Variants in DGKI observed in about 807,000 individuals in gnomAD.
DGKI encodes the protein DAG kinase iota.
DGKI carries 55 observed loss-of-function variants against 147.5 expected under a neutral mutation model. The ratio of observed to expected loss-of-function variants is 0.37; its 90% CI spans 0.30 to 0.47. The LOEUF (loss-of-function observed/expected upper bound fraction) is 0.47. Ranked by LOEUF, DGKI falls within the 20% of genes least tolerant of loss-of-function variation. The pLI, the probability that DGKI is intolerant of heterozygous loss-of-function variation, is 1.00. For synonymous variants in DGKI, 469 were observed against 477.1 expected (o/e 0.98, Z 0.22); for missense variants, 1,007 against 1,323.8 (o/e 0.76, Z 3.71).
chr7:137,447,348 AT>A, intron 27 of DGKI, among the ~76,000 whole-genome samples: 1 of 152,350 alleles, frequency 6.6e-6, no homozygotes, highest in South Asian at 2.1e-4. Context: ...AAAAAGAAAA[AT>A]ATGTAAATAA....
At chr7:137,481,519 C>A (rs76903225) in intron 23 of DGKI, among the ~76,000 whole-genome samples, 1 of 152,008 alleles carries the variant, frequency 6.6e-6, no homozygotes, top group African/African-American at 2.4e-5. Flanking sequence ...GATGGAGGGG[C>A]CTTTGAATTT....
At chr7:137,811,204 C>A (rs1003391820) in intron 1 of DGKI, among the ~76,000 whole-genome samples, 11 of 152,094 alleles carry the variant, frequency 7.2e-5, no homozygotes, top group African/African-American at 2.7e-4. Flanking sequence ...CAGAGCTACT[C>A]CTTACCTACT....
intron 1 of DGKI, among the ~76,000 whole-genome samples, chr7:137,820,903 C>G (rs1349040139): frequency 6.6e-6 from 1 of 152,154 alleles, no homozygotes; most frequent in Non-Finnish European, 1.5e-5. Context: ...CTAGTTTCGG[C>G]CCCTCACCAA....
At chr7:137,574,119 G>A (rs1371841247) in intron 17 of DGKI, among the ~76,000 whole-genome samples, 1 of 152,164 alleles carries the variant, frequency 6.6e-6, no homozygotes, top group Admixed American at 6.5e-5. Flanking sequence ...GATTTTGCTA[G>A]TGGTCAGGTT....
intron 1 of DGKI, among the ~76,000 whole-genome samples, chr7:137,814,298 T>C (rs1266108044): frequency 6.6e-6 from 1 of 152,172 alleles, no homozygotes; most frequent in Admixed American, 6.5e-5. Context: ...TGTGTTCTTA[T>C]AAAGTAAAGA....
chr7:137,412,248 C>T (rs370202383), intron 28 of DGKI, 41 bp from the exon 29 acceptor site: 3 of 1,578,018 alleles, frequency 1.9e-6, no homozygotes, highest in South Asian at 1.1e-5. Context: ...AGTAGAAGAC[C>T]CTCTTATTAA....
At chr7:137,743,211 G>C (rs1444434238) in intron 1 of DGKI, among the ~76,000 whole-genome samples, 1 of 152,192 alleles carries the variant, frequency 6.6e-6, no homozygotes, top group Non-Finnish European at 1.5e-5. Flanking sequence ...GACAGTATTA[G>C]ACAGATCACT....
intron 1 of DGKI, among the ~76,000 whole-genome samples, chr7:137,789,065 C>G (rs1796767024): frequency 1.3e-5 from 2 of 152,284 alleles, no homozygotes; most frequent in South Asian, 4.1e-4. Flanking sequence ...AACAAGGATT[C>G]TCTTATTCAC....
intron 1 of DGKI, among the ~76,000 whole-genome samples, chr7:137,804,801 TA>T (rs1797316892): frequency 6.6e-6 from 1 of 152,186 alleles, no homozygotes; most frequent in Admixed American, 6.5e-5. Flanking sequence ...CCTTTGGGAG[TA>T]GAATAAAATT....
chr7:137,410,515 C>T (rs1215823446), intron 29 of DGKI, among the ~76,000 whole-genome samples: 2 of 152,170 alleles, frequency 1.3e-5, no homozygotes, highest in Non-Finnish European at 2.9e-5. Flanking sequence ...GGTTTTGTCA[C>T]TGAAATGACA....
intron 32 of DGKI, among the ~76,000 whole-genome samples, chr7:137,393,224 C>CT (rs1404264257): frequency 4.0e-5 from 3 of 75,030 alleles, no homozygotes; most frequent in Admixed American, 1.8e-4. Flanking sequence ...AAGCTATTTC[C>CT]ATTTTTTTTT....
intron 28 of DGKI, 82 bp from the exon 29 acceptor site, chr7:137,412,289 G>C (rs1812193372): frequency 7.6e-7 from 1 of 1,309,400 alleles, no homozygotes. Flanking sequence ...CCATATTTTG[G>C]ATAAGTAGTC....
chr7:137,662,108 T>C (rs1434510667), intron 3 of DGKI, among the ~76,000 whole-genome samples: 3 of 152,130 alleles, frequency 2.0e-5, no homozygotes, highest in Non-Finnish European at 4.4e-5. Context: ...TATCTGAAAG[T>C]TCCATTAATA....
At chr7:137,423,335 G>C (rs2128907200) in intron 28 of DGKI, among the ~76,000 whole-genome samples, 1 of 152,300 alleles carries the variant, frequency 6.6e-6, no homozygotes, top group South Asian at 2.1e-4. Context: ...CATTCTTCCT[G>C]TGATCAGGGT....
At chr7:137,540,761 CCAAAAAAAAAAAAAAA>C (rs1817667372) in intron 20 of DGKI, among the ~76,000 whole-genome samples, 1 of 35,520 alleles carries the variant, frequency 2.8e-5, no homozygotes. Context: ...AAAAACCCCC[CCAAAAAAAAAAAAAAA>C]AAAAAAAAAA....
At chr7:137,722,160 C>G in intron 1 of DGKI, 1 of 1,599,858 alleles carries the variant, frequency 6.3e-7, no homozygotes, top group Non-Finnish European at 8.5e-7. Flanking sequence ...GCAGGTATTC[C>G]CGATCTGCTA....
At chr7:137,624,717 G>A (rs1267828583) in intron 6 of DGKI, among the ~76,000 whole-genome samples, 1 of 151,892 alleles carries the variant, frequency 6.6e-6, no homozygotes, top group Non-Finnish European at 1.5e-5. Context: ...CCATTCTCCT[G>A]CCTGAGCCTC....
intron 1 of DGKI, among the ~76,000 whole-genome samples, chr7:137,735,282 G>T (rs1204364236): frequency 6.6e-6 from 1 of 152,030 alleles, no homozygotes; most frequent in Non-Finnish European, 1.5e-5. Flanking sequence ...TTTTAGCAAC[G>T]CTAATCTATT....
At chr7:137,709,217 A>T (rs959835817) in intron 1 of DGKI, among the ~76,000 whole-genome samples, 1 of 152,172 alleles carries the variant, frequency 6.6e-6, no homozygotes, top group African/African-American at 2.4e-5. Flanking sequence ...TTAAGCAGAG[A>T]TGGATTTATT....
Sources: gnomAD v4.1 joint callset for allele counts (sites outside exome capture counted in the v4.1 genomes callset) on GRCh38, gnomAD v4.1.1 for gene constraint, MANE v1.5 for transcripts, NCBI Gene and HGNC (gene_info 2026-07-23, HGNC 2026-07-21) for gene names.